Variants in GJC1 observed in about 807,000 individuals in gnomAD.
GJC1 encodes the protein gap junction protein gamma 1.
A neutral mutation model predicts 29.3 loss-of-function variants in GJC1; 5 were observed. That is an observed-to-expected ratio of 0.17 (90% CI 0.09 to 0.36). The LOEUF (loss-of-function observed/expected upper bound fraction) is 0.36, where lower values mean the gene tolerates loss of function less well. Ranked by LOEUF, GJC1 falls within the 10% of genes least tolerant of loss-of-function variation. The pLI is 1.00. For missense variants in GJC1, 310 were observed against 496.2 expected, an observed-to-expected ratio of 0.62 and a Z score of 3.56; for synonymous variants, 177 against 183.3, an observed-to-expected ratio of 0.97 and a Z score of 0.28.
chr17:44,825,848 A>G (rs937545461), intron 1 of GJC1, among the ~76,000 whole-genome samples: 2 of 152,052 alleles, frequency 1.3e-5, no homozygotes, highest in African/African-American at 4.8e-5. Context: ...TGCTTGTATT[A>G]CAAGCATTAT....
At chr17:44,828,369 G>C (rs1307403644) in intron 1 of GJC1, among the ~76,000 whole-genome samples, 2 of 152,200 alleles carry the variant, frequency 1.3e-5, no homozygotes, top group Non-Finnish European at 2.9e-5. Flanking sequence ...CAATTCTTAA[G>C]TCACACAACC....
At chr17:44,808,428 TACACACACACACAC>T (rs56999580) in intron 1 of GJC1, among the ~76,000 whole-genome samples, 4 of 147,544 alleles carry the variant, frequency 2.7e-5, no homozygotes, top group South Asian at 2.2e-4. Context: ...CCCTGTCTCT[TACACACACACACAC>T]ACACACACAC....
At chr17:44,807,344 G>C (rs534367922) in intron 2 of GJC1, 50 bp downstream of exon 2, 1 of 152,266 alleles carries the variant, frequency 6.6e-6, no homozygotes, top group East Asian at 1.9e-4. Context: ...GTTTACTTCT[G>C]CAGATTACAG....
downstream of GJC1, chr17:44,797,920 G>A (rs754696901): frequency 3.3e-5 from 5 of 152,264 alleles, no homozygotes; most frequent in Admixed American, 1.3e-4. Flanking sequence ...CCTACCAGTC[G>A]GCTATCCCGT....
chr17:44,810,929 T>C (rs2049972886), intron 1 of GJC1, among the ~76,000 whole-genome samples: 1 of 152,090 alleles, frequency 6.6e-6, no homozygotes, highest in Admixed American at 6.6e-5. Flanking sequence ...GAAGGAACAC[T>C]ACCATGCCTG....
intron 1 of GJC1, 34 bp from the exon 2 acceptor site, chr17:44,807,503 C>T (rs555805143): frequency 2.8e-4 from 42 of 152,234 alleles, no homozygotes; most frequent in African/African-American, 9.6e-4. Context: ...AGGTCATAAG[C>T]TTTCTCCCAC....
chr17:44,819,548 C>T (rs1259682603), intron 1 of GJC1, among the ~76,000 whole-genome samples: 1 of 151,898 alleles, frequency 6.6e-6, no homozygotes, highest in African/African-American at 2.4e-5. Context: ...GTCCCAGCTA[C>T]TCAGGAGGCT....
intron 1 of GJC1, among the ~76,000 whole-genome samples, chr17:44,811,735 G>A (rs2049984911): frequency 6.6e-6 from 1 of 152,050 alleles, no homozygotes; most frequent in African/African-American, 2.4e-5. Context: ...CCGGCGCGGT[G>A]GCTCACGCCT....
chr17:44,805,489 T>A lies in GJC1; in HGVS notation c.329A>T (p.Lys110Met). Reference sequence around the variant, plus strand: ...TGCATAGGGCTTGCTCCGAGCTGCCTTCTTGTCTGCTTCACCGTGCTCCAT... The same window carrying A: ...TGCATAGGGCTTGCTCCGAGCTGCCATCTTGTCTGCTTCACCGTGCTCCAT... ...AKMEHGEADK[K>M]AARSKPYAMR... Residue 110 changes from lysine to methionine, a missense_variant, in exon 3 of 3, where the codon AAG (lysine) becomes ATG (methionine). Physicochemically the swap from Lys to Met is moderately conservative, Grantham distance 95 (BLOSUM62 -1). Transcript: ENST00000592524. The surrounding 1 kb of genome is among the most constrained non-coding windows in gnomAD (Gnocchi z 5.1). 1 of 1,614,198 alleles carries A rather than the reference T, an allele frequency of 6.2e-7. No homozygotes were observed. Among genetic ancestry groups the A allele is most frequent in the Non-Finnish European group, 8.5e-7 (1 of 1,180,042 alleles).
intron 1 of GJC1, among the ~76,000 whole-genome samples, chr17:44,823,201 A>C (rs2050131610): frequency 6.6e-6 from 1 of 151,464 alleles, no homozygotes; most frequent in African/African-American, 2.4e-5. Context: ...ATTTATATAG[A>C]GGAAAAACAT....
intron 1 of GJC1, among the ~76,000 whole-genome samples, chr17:44,811,574 A>G (rs2049982214): frequency 6.6e-6 from 1 of 151,580 alleles, no homozygotes; most frequent in Non-Finnish European, 1.5e-5. Context: ...TTTTGCAGAG[A>G]AGAGGTTTTG....
In GJC1 at chr17:44,804,873, C is replaced by T. The variant is rs1326665199; in HGVS notation, c.945G>A (p.Lys315=). Residue 315 remains lysine (K), a synonymous_variant, in exon 3 of 3, where the codon AAG becomes AAA. Transcript: ENST00000592524. The part of the protein sequence containing the change: ...SNAKIAYKQN[K]ANTAQEQQYG... ...ACTGCTGTTCCTGGGCTGTGTTGGC[C>T]TTGTTTTGCTTGTAGGCGATCTTAG... The T allele has an allele frequency of 6.2e-7, 1 of 1,614,120 alleles. No homozygotes were observed. Among genetic ancestry groups the T allele is most frequent in the African/African-American group, 1.3e-5 (1 of 75,014 alleles).
chr17:44,816,048 G>C (rs2050038933), intron 1 of GJC1, among the ~76,000 whole-genome samples: 1 of 141,116 alleles, frequency 7.1e-6, no homozygotes, highest in African/African-American at 2.6e-5. Flanking sequence ...GGGAGGCGGA[G>C]CTTGCAGTGA....
rs1031802465 is a variant in GJC1, at chr17:44,800,059, A to G, written c.*4568T>C. The G allele has an allele frequency of 2.0e-5, 3 of 152,218 alleles. No homozygotes were observed. Among genetic ancestry groups the G allele is most frequent in the Non-Finnish European group, 4.4e-5 (3 of 68,044 alleles). 9.4% of individuals were successfully genotyped at this position (152,218 alleles called of 1,614,324 possible). On this transcript the variant is annotated 3_prime_UTR_variant, in exon 3 of 3. Transcript: ENST00000592524. ...GGTGACTGTGAATTATTACATATTT[A>G]TTACACATAAATGAGTTTAAATTTT...
At chr17:44,819,815 T>G (rs963264932) in intron 1 of GJC1, among the ~76,000 whole-genome samples, 4 of 152,188 alleles carry the variant, frequency 2.6e-5, no homozygotes, top group Non-Finnish European at 5.9e-5. Flanking sequence ...TCTACAACTT[T>G]GGCCACTGTG....
chr17:44,812,357 C>T (rs1022145300), intron 1 of GJC1, among the ~76,000 whole-genome samples: 4 of 152,068 alleles, frequency 2.6e-5, no homozygotes, highest in Non-Finnish European at 5.9e-5. Context: ...AAACAAAAAA[C>T]CCATAACATT....
chr17:44,804,809 C>T lies in GJC1; in HGVS notation c.1009G>A (p.Ala337Thr), dbSNP rs1184527232. The T allele has an allele frequency of 1.5e-5, 24 of 1,614,214 alleles. No individual in the cohort carries two copies. The highest frequency in any genetic ancestry group is 2.0e-5 in the Non-Finnish European group (24 of 1,180,032). The change falls in exon 3 of 3, where the codon GCT becomes ACT. Residue 337 changes from alanine (A) to threonine (T), a missense_variant. Around this residue, in one of 4 missense-constraint regions of GJC1, gnomAD observed 146 missense variants for 165.0 expected, o/e 0.88. Coordinates refer to ENST00000592524, the MANE Select transcript of GJC1 (RefSeq NM_005497.4). ...GCCATCCTGATCTCCCGCTGCAGAGCCTCCAGGTCAGCTGGGAGGTTCTCC... is the reference window on the plus strand; with the variant it reads ...GCCATCCTGATCTCCCGCTGCAGAGTCTCCAGGTCAGCTGGGAGGTTCTCC... ...HEENLPADLE[A>T]LQREIRMAQE... is the part of the protein sequence containing the mutation.
Position 44,830,223 on chromosome 17 carries a change from C to A in GJC1, c.-258G>T. 1 of 158,510 alleles carries A rather than the reference C, an allele frequency of 6.3e-6. No individual in the cohort carries two copies. Among genetic ancestry groups the A allele is most frequent in the Non-Finnish European group, 1.3e-5 (1 of 74,212 alleles). The allele number at this position is 158,510 out of a possible 1,614,324, so 9.8% of individuals were successfully genotyped here. On this transcript the variant is annotated 5_prime_UTR_variant, in exon 1 of 3. Transcript: ENST00000592524. The surrounding 1 kb of genome is among the most constrained non-coding windows in gnomAD (Gnocchi z 4.3). Reference sequence around the variant, plus strand: ...CCTCAGTCTCCAGCCGAGGCAGAAGCCGCTCCCGCCGCTGCCGCCGCCGCC... The same window carrying A: ...CCTCAGTCTCCAGCCGAGGCAGAAGACGCTCCCGCCGCTGCCGCCGCCGCC...
At chr17:44,815,829 A>G (rs1275030999) in intron 1 of GJC1, among the ~76,000 whole-genome samples, 2 of 152,066 alleles carry the variant, frequency 1.3e-5, no homozygotes, top group Non-Finnish European at 2.9e-5. Context: ...AAAGGTTGAA[A>G]AACTTGGGGC....
Sources: allele counts gnomAD v4.1 joint callset (sites outside exome capture counted in the v4.1 genomes callset), GRCh38; gene constraint gnomAD v4.1.1; regional missense constraint gnomAD v4.1.1; non-coding constraint Gnocchi (gnomAD v3.1); transcripts MANE v1.5; gene names NCBI Gene and HGNC (gene_info 2026-07-23, HGNC 2026-07-21).